The following CR1L variants were observed in gnomAD, a reference collection of about 807,000 sequenced individuals.
The protein encoded by CR1L is complement component receptor 1-like protein.
CR1L carries 59 observed loss-of-function variants against 62.3 expected under a neutral mutation model. That is an observed-to-expected ratio of 0.95 (90% CI 0.77 to 1.18). The LOEUF is 1.18. CR1L is among the 50% of genes most tolerant of loss of function. The pLI is 0.00. For synonymous variants in CR1L, 279 were observed against 248.7 expected (o/e 1.12, Z -1.15); for missense variants, 700 against 702.8 (o/e 1.00, Z 0.04).
chr1:207,669,524 T>G, intron 1 of CR1L: 1 of 1,579,018 alleles, frequency 6.3e-7, no homozygotes, highest in South Asian at 1.1e-5. Flanking sequence ...GGAGGATCCC[T>G]GCTGGCGGTC....
chr1:207,693,812 A>C (rs2102468014), intron 4 of CR1L, among the ~76,000 whole-genome samples: 1 of 151,938 alleles, frequency 6.6e-6, no homozygotes, highest in South Asian at 2.1e-4. Flanking sequence ...ATCTTTTTGA[A>C]TGAATATTGG....
intron 9 of CR1L, among the ~76,000 whole-genome samples, chr1:207,703,432 G>A (rs1664222135): frequency 6.6e-6 from 1 of 152,210 alleles, no homozygotes; most frequent in Non-Finnish European, 1.5e-5. Context: ...TCTGATGACA[G>A]AGGTATGTTT....
At chr1:207,688,420 T>G (rs2102465083) in intron 4 of CR1L, among the ~76,000 whole-genome samples, 1 of 152,190 alleles carries the variant, frequency 6.6e-6, no homozygotes, top group Admixed American at 6.5e-5. Flanking sequence ...TTGGTTTAGT[T>G]TTTTGCCATA....
intron 4 of CR1L, among the ~76,000 whole-genome samples, chr1:207,690,091 G>A (rs1483598734): frequency 6.6e-6 from 1 of 151,876 alleles, no homozygotes; most frequent in Non-Finnish European, 1.5e-5. Context: ...TCTTTAAAGT[G>A]TGACTATTTT....
chr1:207,686,906 C>T (rs148657857), intron 4 of CR1L, among the ~76,000 whole-genome samples: 12 of 152,306 alleles, frequency 7.9e-5, no homozygotes, highest in Non-Finnish European at 1.5e-4. Context: ...TTTGCCCCTC[C>T]TGCCATGGGA....
chr1:207,682,990 T>TTC (rs1449527510), intron 3 of CR1L, among the ~76,000 whole-genome samples: 1 of 137,926 alleles, frequency 7.3e-6, no homozygotes, highest in African/African-American at 2.5e-5. Context: ...CTTTCTTTCT[T>TTC]TTTTTCTTTC....
intron 10 of CR1L, among the ~76,000 whole-genome samples, chr1:207,712,707 C>T (rs533811233): frequency 2.1e-4 from 32 of 152,296 alleles, no homozygotes; most frequent in Admixed American, 1.2e-3. Flanking sequence ...TGTACAGGTG[C>T]CTCTCTTTCC....
At chr1:207,649,088 T>A (rs192433097) in intron 1 of CR1L, among the ~76,000 whole-genome samples, 85 of 152,196 alleles carry the variant, frequency 5.6e-4, no homozygotes, top group African/African-American at 2.0e-3. Flanking sequence ...GAGAGATCCA[T>A]GCAGGGGAGA....
At chr1:207,720,797 C>A (rs1458078213) in intron 11 of CR1L, among the ~76,000 whole-genome samples, 2 of 152,136 alleles carry the variant, frequency 1.3e-5, no homozygotes, top group East Asian at 3.8e-4. Flanking sequence ...TTAAGAGAGG[C>A]TTAAAGAAAA....
At chr1:207,678,796 C>A (rs548382772) in intron 3 of CR1L, among the ~76,000 whole-genome samples, 2 of 152,210 alleles carry the variant, frequency 1.3e-5, no homozygotes, top group East Asian at 3.9e-4. Context: ...GAGCCAGAGC[C>A]AGATCCATAG....
At chr1:207,694,126 A>C (rs1352520029) in intron 4 of CR1L, among the ~76,000 whole-genome samples, 1 of 152,244 alleles carries the variant, frequency 6.6e-6, no homozygotes, top group Non-Finnish European at 1.5e-5. Context: ...AAATGAAAAG[A>C]ATGTGGATGG....
rs570195079 is a variant in CR1L, at chr1:207,699,309, TC to T, written c.1228+39del. The T allele has an allele frequency of 1.6e-4, 265 of 1,611,824 alleles. 3 individuals are homozygous for T. In the East Asian group the frequency reaches 5.8e-3, roughly 35 times the overall value. ...AGGAGTAACATTTCAGGCCAATCTCTCCCCTTCATCTGTTCAGTATTTGACC... is the reference window on the plus strand; with the variant it reads ...AGGAGTAACATTTCAGGCCAATCTCTCCCTTCATCTGTTCAGTATTTGACC... On this transcript the variant is annotated intron_variant, in intron 8 of 11. Coordinates refer to ENST00000508064, the MANE Select transcript of CR1L (RefSeq NM_175710.2).
chr1:207,714,911 CATG>C (rs1440151811), intron 10 of CR1L, among the ~76,000 whole-genome samples: 3 of 152,152 alleles, frequency 2.0e-5, no homozygotes, highest in Admixed American at 6.5e-5. Flanking sequence ...TGTTCTGCCT[CATG>C]ACCCACTAAT....
Position 207,690,247 on chromosome 1 carries a change from A to G in CR1L, c.464-4106A>G, listed in dbSNP as rs79926392. Among the ~76,000 whole-genome samples, 665 of 152,214 alleles carry G rather than the reference A, an allele frequency of 4.4e-3. 10 individuals are homozygous for G. In the East Asian group the frequency reaches 0.056, roughly 13 times the overall value. ...ACATTTAACCTATACATTTTTCTCT[A>G]AAACTATTTTACTTCCCACAATCTT... On this transcript the variant is annotated intron_variant, in intron 4 of 11. Transcript: ENST00000508064.
chr1:207,676,603 T>A (rs761972216), intron 1 of CR1L, among the ~76,000 whole-genome samples: 33 of 152,204 alleles, frequency 2.2e-4, no homozygotes, highest in Non-Finnish European at 3.1e-4. Context: ...GAGTCTCAGG[T>A]GCCAAAAAGA....
rs1295756464 is a variant in CR1L at position 207,708,231 on chromosome 1, C to A, written c.1382C>A (p.Ala461Asp). 6.2e-7 allele frequency: 1 copy of A among 1,611,346 alleles called. No individual in the cohort carries two copies. Among genetic ancestry groups the A allele is most frequent in the Non-Finnish European group, 8.5e-7 (1 of 1,179,446 alleles). Residue 461 changes from alanine to aspartate, a missense_variant, in exon 10 of 12, where the codon GCC becomes GAC. Ala to Asp is a moderately radical substitution (Grantham distance 126). Transcript: ENST00000508064. ...SAECILSGNT[A>D]HWSMKPPICQ... ...GAATGTATCCTCTCGGGCAATACTG[C>A]CCATTGGAGCATGAAGCCACCAATT...
chr1:207,682,741 C>A (rs1310327292), intron 3 of CR1L, among the ~76,000 whole-genome samples: 1 of 152,174 alleles, frequency 6.6e-6, no homozygotes, highest in Admixed American at 6.5e-5. Flanking sequence ...CAAGTTTGAG[C>A]CTACCCTCAC....
chr1:207,645,425 C>A, intron 1 of CR1L, 95 bp downstream of exon 1: 1 of 1,375,808 alleles, frequency 7.3e-7, no homozygotes, highest in Non-Finnish European at 1.0e-6. Flanking sequence ...CACTGCACGT[C>A]GTGCCTGCTT....
chr1:207,715,220 G>T (rs1653966057), intron 10 of CR1L: 2 of 709,836 alleles, frequency 2.8e-6, no homozygotes, highest in South Asian at 1.4e-5. Flanking sequence ...AGGAGGAAAT[G>T]GTAGTGAGGA....
Sources: allele counts gnomAD v4.1 joint callset (sites outside exome capture counted in the v4.1 genomes callset), GRCh38; gene constraint gnomAD v4.1.1; transcripts MANE v1.5; gene names NCBI Gene and HGNC (gene_info 2026-07-23, HGNC 2026-07-21).